The following IRF8 variants were observed in gnomAD, a reference collection of about 807,000 sequenced individuals.
The protein encoded by IRF8 is interferon regulatory factor 8.
In IRF8, 14 loss-of-function variants were observed where a neutral mutation model predicts 48.7. That is an observed-to-expected ratio of 0.29 (90% confidence interval 0.19 to 0.45). IRF8 has a LOEUF of 0.45. Ranked by LOEUF, IRF8 falls within the 20% of genes least tolerant of loss-of-function variation. The pLI, the probability that IRF8 is intolerant of heterozygous loss-of-function variation, is 1.00. For synonymous variants in IRF8, 278 were observed against 227.3 expected, an observed-to-expected ratio of 1.22 and a Z score of -2.01; for missense variants, 493 against 580.7, an observed-to-expected ratio of 0.85 and a Z score of 1.55.
In IRF8 at chr16:85,921,790, T is replaced by G. The variant is rs1336404388; in HGVS notation, c.*508T>G. 1 of 185,140 alleles carries G rather than the reference T, an allele frequency of 5.4e-6. No homozygotes were observed. Among genetic ancestry groups the G allele is most frequent in the Admixed American group, 5.5e-5 (1 of 18,334 alleles). The allele number at this position is 185,140 out of a possible 1,614,324, so 11.5% of individuals were successfully genotyped here. ...TGCATTTTAATAAGATTTAAAAATA[T>G]TTAGATTAAAGCCCCCTTTAATGAG... On this transcript the variant is annotated 3_prime_UTR_variant, in exon 9 of 9. Transcript: ENST00000268638.
intron 6 of IRF8, among the ~76,000 whole-genome samples, chr16:85,917,609 G>A (rs554818831): frequency 5.9e-5 from 9 of 152,350 alleles, no homozygotes; most frequent in Non-Finnish European, 1.0e-4. Context: ...CATTGAATTT[G>A]TCTTGACCTC....
At chr16:85,909,243 G>C (rs1597252082) in intron 3 of IRF8, 70 bp downstream of exon 3, 1 of 1,311,156 alleles carries the variant, frequency 7.6e-7, no homozygotes. Context: ...CACAGAACTT[G>C]GGTCTGGGGT....
chr16:85,914,375 C>T, intron 5 of IRF8, 98 bp from the exon 6 acceptor site: 1 of 1,424,128 alleles, frequency 7.0e-7, no homozygotes, highest in Admixed American at 1.7e-5. Context: ...ACGCCATGTG[C>T]AGCCTTTTAA....
intron 5 of IRF8, 168 bp from the exon 6 acceptor site, chr16:85,914,305 T>C (rs982187767): frequency 2.1e-5 from 15 of 731,424 alleles, no homozygotes; most frequent in African/African-American, 5.2e-5. Context: ...AATGGCTCTC[T>C]GCTCTGGTGG....
intron 2 of IRF8, among the ~76,000 whole-genome samples, chr16:85,906,647 C>T (rs541994607): frequency 5.1e-4 from 78 of 152,270 alleles, no homozygotes; most frequent in Non-Finnish European, 3.2e-4. Flanking sequence ...ACCGCGGTTG[C>T]GTATGTGTAC....
In IRF8 at chr16:85,909,075, A is replaced by G; in HGVS notation, c.260A>G (p.Asn87Ser). 6.2e-7 allele frequency: 1 copy of G among 1,614,112 alleles called. No homozygotes were observed. The highest frequency in any genetic ancestry group is 8.5e-7 in the Non-Finnish European group (1 of 1,179,938). The change falls in exon 3 of 9, where the codon AAT becomes AGT. Residue 87 changes from asparagine (N) to serine (S), a missense_variant. This residue lies in a region of IRF8 where 31 missense variants were observed against 71.2 expected (regional missense o/e 0.44). Transcript: ENST00000268638. ...TWKTRLRCALNKSPDFEEVTD... is the reference protein window; with the variant it reads ...TWKTRLRCALSKSPDFEEVTD... ...AAGACGAGGTTACGCTGTGCTTTGAATAAGAGCCCAGATTTTGAGGAAGTG... is the reference window on the plus strand; with the variant it reads ...AAGACGAGGTTACGCTGTGCTTTGAGTAAGAGCCCAGATTTTGAGGAAGTG...
chr16:85,918,656 C>T lies in IRF8; in HGVS notation c.841C>T (p.His281Tyr). 1 of 1,610,244 alleles carries T rather than the reference C, an allele frequency of 6.2e-7. No individual in the cohort carries two copies. Among genetic ancestry groups the T allele is most frequent in the Non-Finnish European group, 8.5e-7 (1 of 1,179,720 alleles). The change falls in exon 7 of 9, where the codon CAC becomes TAC. Residue 281 changes from histidine (H) to tyrosine (Y), a missense_variant. Coordinates refer to ENST00000268638, the MANE Select transcript of IRF8 (RefSeq NM_002163.4). Reference sequence around the variant, plus strand: ...GCACCTGGAGCGCGGGGTGCTGCTGCACAGCAGCCGGCAGGGCGTGTTCGT... The same window carrying T: ...GCACCTGGAGCGCGGGGTGCTGCTGTACAGCAGCCGGCAGGGCGTGTTCGT... ...FGHLERGVLL[H>Y]SSRQGVFVKR...
rs761136833 is a variant in IRF8 at position 85,921,159 on chromosome 16, A to T, written c.1158A>T (p.Gly386=). The T allele has an allele frequency of 1.3e-4, 208 of 1,614,048 alleles. No individual in the cohort carries two copies. Among genetic ancestry groups the T allele is most frequent in the Non-Finnish European group, 1.7e-4 (204 of 1,180,042 alleles). Residue 386 remains glycine, a synonymous_variant, in exon 9 of 9, where the codon GGA becomes GGT. Transcript: ENST00000268638. The part of the protein sequence containing the change: ...QLAEEAGKSC[G]AGSVMQAPEE... ...CAGAAGAGGCTGGGAAGAGCTGTGG[A>T]GCCGGCTCTGTGATGCAGGCCCCCG...
chr16:85,907,886 A>G (rs1332728622), intron 2 of IRF8, among the ~76,000 whole-genome samples: 1 of 152,196 alleles, frequency 6.6e-6, no homozygotes, highest in Non-Finnish European at 1.5e-5. Flanking sequence ...AAGTGGGTAC[A>G]GCTGGCATTT....
rs570577457 is a variant in IRF8 at position 85,921,591 on chromosome 16, A to G, written c.*309A>G. 1 of 390,224 alleles carries G rather than the reference A, an allele frequency of 2.6e-6. No individual in the cohort carries two copies. The highest frequency in any genetic ancestry group is 2.0e-5 in the African/African-American group (1 of 48,824). 24.2% of individuals were successfully genotyped at this position (390,224 alleles called of 1,614,324 possible). A position where few individuals can be genotyped will look rare whatever the true frequency, so the allele number is the denominator to read the frequency against. On this transcript the variant is annotated 3_prime_UTR_variant, in exon 9 of 9. Transcript: ENST00000268638. The stretch of plus-strand genomic sequence containing the variant: ...CTTTCTGCATTTTCGGTTAACTATC[A>G]TTTCCAAAGACTTGTCATTCAGTAA...
Position 85,903,000 on chromosome 16 carries a change from T to G in IRF8, c.-1-15T>G, listed in dbSNP as rs774867916. 3.7e-6 allele frequency: 6 copies of G among 1,614,006 alleles called. No individual in the cohort carries two copies. In the South Asian group the frequency reaches 5.5e-5, roughly 15 times the overall value. The stretch of plus-strand genomic sequence containing the variant: ...ATATCCGTAATATCACAGCGTGTAT[T>G]TCTGTCTTTCCAAGGATGTGTGACC... On this transcript the variant is annotated splice_polypyrimidine_tract_variant and intron_variant, in intron 1 of 8. Transcript: ENST00000268638.
Position 85,921,895 on chromosome 16 carries a change from G to T in IRF8, c.*613G>T, listed in dbSNP as rs1451308827. On this transcript the variant is annotated 3_prime_UTR_variant, in exon 9 of 9. Transcript: ENST00000268638. Reference sequence around the variant, plus strand: ...TGCAGGAATATGTGTTCATATCCAGGCAAACGGGTGTGTTTTTATCTTCAG... The same window carrying T: ...TGCAGGAATATGTGTTCATATCCAGTCAAACGGGTGTGTTTTTATCTTCAG... 2 of 153,326 alleles carry T rather than the reference G, an allele frequency of 1.3e-5. No individual in the cohort carries two copies. The highest frequency in any genetic ancestry group is 4.8e-5 in the African/African-American group (2 of 41,438). The allele number at this position is 153,326 out of a possible 1,614,324, so 9.5% of individuals were successfully genotyped here.
At chr16:85,918,085 C>T (rs1054925326) in intron 6 of IRF8, among the ~76,000 whole-genome samples, 4 of 152,148 alleles carry the variant, frequency 2.6e-5, no homozygotes, top group African/African-American at 4.8e-5. Flanking sequence ...AATGAGTTGT[C>T]GAAACATCGT....
chr16:85,902,702 T>C, intron 1 of IRF8: 1 of 408,216 alleles, frequency 2.4e-6, no homozygotes, highest in South Asian at 2.2e-5. Flanking sequence ...TCACTGTGGT[T>C]GTATCTGCCT....
intron 6 of IRF8, among the ~76,000 whole-genome samples, chr16:85,916,917 G>A (rs188286154): frequency 2.9e-4 from 44 of 152,286 alleles, no homozygotes; most frequent in Admixed American, 7.8e-4. Context: ...ACCCTATCTA[G>A]GATTCAGTTT....
At chr16:85,902,850 A>C (rs957017863) in intron 1 of IRF8, 165 bp from the exon 2 acceptor site, 6 of 744,486 alleles carry the variant, frequency 8.1e-6, no homozygotes, top group Non-Finnish European at 1.4e-5. Flanking sequence ...GGAGGCCAGC[A>C]TTGCCTTCTC....
At chr16:85,899,816 A>T (rs1904769393) in intron 1 of IRF8, among the ~76,000 whole-genome samples, 1 of 152,228 alleles carries the variant, frequency 6.6e-6, no homozygotes, top group Admixed American at 6.5e-5. Flanking sequence ...TGTTTGAAAA[A>T]ATTTATTGAA....
At chr16:85,918,903 G>A (rs1319503901) in intron 7 of IRF8, 100 bp downstream of exon 7, 2 of 1,452,230 alleles carry the variant, frequency 1.4e-6, no homozygotes, top group African/African-American at 1.4e-5. Context: ...TCTCATGGAG[G>A]GATGTGGAGG....
chr16:85,914,946 T>G (rs1905255721), intron 6 of IRF8, among the ~76,000 whole-genome samples: 1 of 152,168 alleles, frequency 6.6e-6, no homozygotes, highest in Non-Finnish European at 1.5e-5. Flanking sequence ...AGAGTACTCT[T>G]TGAGGCTGTA....
Sources: gnomAD v4.1 joint callset for allele counts (sites outside exome capture counted in the v4.1 genomes callset) on GRCh38, gnomAD v4.1.1 for gene constraint, gnomAD v4.1.1 regional missense constraint, MANE v1.5 for transcripts, NCBI Gene and HGNC (gene_info 2026-07-23, HGNC 2026-07-21) for gene names.